The following EML5 variants were observed in gnomAD, a reference collection of about 807,000 sequenced individuals.
EML5 encodes EMAP like 5.
A neutral mutation model predicts 250.0 loss-of-function variants in EML5; 120 were observed. The observed-to-expected ratio is 0.48, with a 90% CI of 0.41 to 0.56. The LOEUF (loss-of-function observed/expected upper bound fraction) is 0.56, where lower values mean the gene tolerates loss of function less well. Ranked by LOEUF, EML5 falls within the 20% of genes least tolerant of loss-of-function variation. EML5 has a pLI of 0.00. For synonymous variants in EML5, 771 were observed against 806.5 expected (o/e 0.96, Z 0.75); for missense variants, 2,006 against 2,437.6 (o/e 0.82, Z 3.73).
In EML5 at chr14:88,616,897, A is replaced by G. The variant is rs768165179; in HGVS notation, c.5643-18T>C. On this transcript the variant is annotated intron_variant, in intron 41 of 43. Transcript: ENST00000554922. The stretch of plus-strand genomic sequence containing the variant: ...CTAGAATACTAGAGGGAAGGAACAA[A>G]AGAAAACTCATCATGGCAAGTGCGG... 2 of 1,610,556 alleles carry G rather than the reference A, an allele frequency of 1.2e-6. No individual in the cohort carries two copies. The highest frequency in any genetic ancestry group is 4.5e-5 in the East Asian group (2 of 44,818).
chr14:88,783,560 C>A (rs1054217794), intron 1 of EML5, among the ~76,000 whole-genome samples: 1 of 152,112 alleles, frequency 6.6e-6, no homozygotes, highest in Non-Finnish European at 1.5e-5. Context: ...AGTAAAAAAA[C>A]AAGTGACAAA....
chr14:88,724,266 T>G (rs1310831639), intron 8 of EML5, among the ~76,000 whole-genome samples: 2 of 125,068 alleles, frequency 1.6e-5, no homozygotes, highest in Non-Finnish European at 3.2e-5. Flanking sequence ...AGAGCAAGAC[T>G]CCATATCAAA....
intron 2 of EML5, among the ~76,000 whole-genome samples, chr14:88,752,457 T>C (rs1387802617): frequency 1.3e-5 from 2 of 152,140 alleles, no homozygotes; most frequent in African/African-American, 2.4e-5. Flanking sequence ...TGAAAAATAA[T>C]AGCAAAAATG....
chr14:88,778,571 G>C (rs1219790547), intron 1 of EML5, among the ~76,000 whole-genome samples: 1 of 152,228 alleles, frequency 6.6e-6, no homozygotes, highest in African/African-American at 2.4e-5. Flanking sequence ...ACGAGGTCAG[G>C]AGATCCAGGC....
In EML5 at chr14:88,739,024, GAAATA is replaced by G; in HGVS notation, c.712-15_712-11del. The G allele has an allele frequency of 6.3e-7, 1 of 1,584,382 alleles. No individual in the cohort carries two copies. The highest frequency in any genetic ancestry group is 1.7e-4 in the Middle Eastern group (1 of 5,974). ...TGCTAAAAATTCCTGCCTAGAAGAG[GAAATA>G]AAATAATTTAACGACAAATATTTTT... On this transcript the variant is annotated splice_polypyrimidine_tract_variant and intron_variant, in intron 5 of 43. Transcript: ENST00000554922.
chr14:88,666,586 C>A (rs1432495368), intron 21 of EML5, among the ~76,000 whole-genome samples: 1 of 152,022 alleles, frequency 6.6e-6, no homozygotes, highest in African/African-American at 2.4e-5. Flanking sequence ...GAAGATACAT[C>A]TGTATATATA....
chr14:88,745,027 C>G (rs570871884), intron 3 of EML5, among the ~76,000 whole-genome samples: 2 of 152,224 alleles, frequency 1.3e-5, no homozygotes, highest in South Asian at 4.1e-4. Context: ...ACTCCATTGA[C>G]AGTGTCATAT....
chr14:88,782,241 C>T lies in EML5; in HGVS notation c.197+10066G>A, dbSNP rs183822123. On this transcript the variant is annotated intron_variant, in intron 1 of 43. Transcript: ENST00000554922. ...CAAAGAGACTGGCAGCATTTTGCCC[C>T]TGCCCTAGAGATCTGTGGAACTTTG... Among the ~76,000 whole-genome samples, 19 of 152,318 alleles carry T rather than the reference C, an allele frequency of 1.2e-4. No individual in the cohort carries two copies. In the East Asian group the frequency reaches 3.5e-3, roughly 28 times the overall value.
Position 88,649,921 on chromosome 14 carries a change from C to A in EML5, c.4010G>T (p.Gly1337Val). 3 of 1,486,506 alleles carry A rather than the reference C, an allele frequency of 2.0e-6. No homozygotes were observed. Among genetic ancestry groups the A allele is most frequent in the South Asian group, 1.4e-5 (1 of 71,464 alleles). The allele number at this position is 1,486,506 out of a possible 1,614,324, so 92.1% of individuals were successfully genotyped here. A position where few individuals can be genotyped will look rare whatever the true frequency, so the allele number is the denominator to read the frequency against. Residue 1337 changes from glycine to valine, a missense_variant, in exon 28 of 44, where the codon GGA becomes GTA. By Grantham distance (109) the Gly-to-Val change is moderately radical (BLOSUM62 -3). This residue lies in a region of EML5 where 1,375 missense variants were observed against 1,590.3 expected (regional missense o/e 0.86). Transcript: ENST00000554922. ...TTTATAAAACACTTACCTTACTACTCCCTGCCTTCAAAAGGAGCAAGGGGG... is the reference window on the plus strand; with the variant it reads ...TTTATAAAACACTTACCTTACTACTACCTGCCTTCAAAAGGAGCAAGGGGG... ...QKEPSIDERQGVVRGSRPPVS... is the reference protein window; with the variant it reads ...QKEPSIDERQVVVRGSRPPVS...
intron 33 of EML5, 22 bp downstream of exon 33, chr14:88,634,447 G>A: frequency 6.9e-7 from 1 of 1,450,384 alleles, no homozygotes; most frequent in South Asian, 1.4e-5. Context: ...AAATAAAGCA[G>A]AAAATGTTTA....
intron 17 of EML5, among the ~76,000 whole-genome samples, chr14:88,691,761 G>A (rs1403122251): frequency 6.6e-6 from 1 of 152,102 alleles, no homozygotes; most frequent in Non-Finnish European, 1.5e-5. Flanking sequence ...TTAAGTAAGT[G>A]GATACTTATT....
Position 88,620,455 on chromosome 14 carries a change from T to C in EML5, c.5375+299A>G, listed in dbSNP as rs1296287617. ...TTTTGAAGGGCAGATAGCTCTCTTG[T>C]ATTACAGTGGGAGATACCTCTTGGT... On this transcript the variant is annotated intron_variant, in intron 39 of 43. Coordinates refer to ENST00000554922, the MANE Select transcript of EML5 (RefSeq NM_183387.3). The surrounding 1 kb of genome is among the most constrained non-coding windows in gnomAD (Gnocchi z 4.3). 1 of 240,306 alleles carries C rather than the reference T, an allele frequency of 4.2e-6. No individual in the cohort carries two copies. Among genetic ancestry groups the C allele is most frequent in the Non-Finnish European group, 7.9e-6 (1 of 126,750 alleles). The allele number at this position is 240,306 out of a possible 1,614,324, so 14.9% of individuals were successfully genotyped here.
intron 28 of EML5, among the ~76,000 whole-genome samples, chr14:88,649,361 C>A (rs1348331815): frequency 2.6e-5 from 4 of 152,050 alleles, no homozygotes; most frequent in Non-Finnish European, 5.9e-5. Flanking sequence ...AGCCATGATA[C>A]CTTTTTTAAT....
intron 1 of EML5, among the ~76,000 whole-genome samples, chr14:88,785,057 G>T (rs1230709329): frequency 1.3e-5 from 2 of 152,188 alleles, no homozygotes; most frequent in Non-Finnish European, 2.9e-5. Flanking sequence ...GATGGGACTG[G>T]AGATTGTTAA....
chr14:88,659,721 T>C (rs915064073), intron 25 of EML5, among the ~76,000 whole-genome samples: 1 of 152,216 alleles, frequency 6.6e-6, no homozygotes, highest in African/African-American at 2.4e-5. Flanking sequence ...GTGGAACACA[T>C]TGTTAACAAC....
intron 4 of EML5, among the ~76,000 whole-genome samples, chr14:88,742,324 G>C (rs1383584988): frequency 1.3e-5 from 2 of 151,890 alleles, no homozygotes; most frequent in Non-Finnish European, 2.9e-5. Flanking sequence ...TGTACTGCTA[G>C]TGTGACTGAG....
chr14:88,778,794 A>G (rs956396555), intron 1 of EML5, among the ~76,000 whole-genome samples: 10 of 152,144 alleles, frequency 6.6e-5, no homozygotes, highest in African/African-American at 2.4e-4. Context: ...AAAACAAAAC[A>G]AAACAAAGTG....
At chr14:88,787,048 T>C (rs558903883) in intron 1 of EML5, among the ~76,000 whole-genome samples, 7 of 152,288 alleles carry the variant, frequency 4.6e-5, no homozygotes, top group Non-Finnish European at 7.4e-5. Context: ...GAACTGAAGA[T>C]AGTATAAGCA....
intron 8 of EML5, among the ~76,000 whole-genome samples, chr14:88,719,113 T>C (rs2093550561): frequency 6.6e-6 from 1 of 152,148 alleles, no homozygotes. Context: ...TGACTAGGCA[T>C]GGTGGCTCGT....
Sources: allele counts gnomAD v4.1 joint callset (sites outside exome capture counted in the v4.1 genomes callset), GRCh38; gene constraint gnomAD v4.1.1; regional missense constraint gnomAD v4.1.1; non-coding constraint Gnocchi (gnomAD v3.1); transcripts MANE v1.5; gene names NCBI Gene and HGNC (gene_info 2026-07-23, HGNC 2026-07-21).